The following WNT2B variants were observed in gnomAD, a reference collection of about 807,000 sequenced individuals.
WNT2B encodes Wnt family member 2B.
WNT2B carries 19 observed loss-of-function variants against 40.5 expected under a neutral mutation model. The ratio of observed to expected loss-of-function variants is 0.47; its 90% CI spans 0.33 to 0.69. The LOEUF (loss-of-function observed/expected upper bound fraction) is 0.69. Ranked by LOEUF, WNT2B falls within the 30% of genes least tolerant of loss-of-function variation. The pLI is 0.02. For missense variants in WNT2B, 467 were observed against 556.4 expected (o/e 0.84, Z 1.62); for synonymous variants, 220 against 211.9 (o/e 1.04, Z -0.33).
chr1:112,501,194 C>T (rs923777033), intron 1 of WNT2B, among the ~76,000 whole-genome samples: 20 of 152,028 alleles, frequency 1.3e-4, no homozygotes, highest in Non-Finnish European at 2.1e-4. Flanking sequence ...TTGATTAGAC[C>T]GGGGTAATGG....
In WNT2B at chr1:112,509,148, C is replaced by G; in HGVS notation, c.-115C>G. 1 of 1,376,328 alleles carries G rather than the reference C, an allele frequency of 7.3e-7. No individual in the cohort carries two copies. Among genetic ancestry groups the G allele is most frequent in the East Asian group, 3.1e-5 (1 of 32,626 alleles). 85.3% of individuals were successfully genotyped at this position (1,376,328 alleles called of 1,614,324 possible). On this transcript the variant is annotated 5_prime_UTR_variant, in exon 1 of 5. Coordinates refer to ENST00000369684, the MANE Select transcript of WNT2B (RefSeq NM_024494.3). This position sits in a 1 kb window ranked among gnomAD's most constrained non-coding sequence, Gnocchi z 4.2. ...ACCCCAGGTGATCCTAGGTCCCCAG[C>G]CGCCGGCGAACACCATGGCCCCCCA...
At chr1:112,496,647 C>A (rs570086859) in intron 1 of WNT2B, among the ~76,000 whole-genome samples, 3 of 151,100 alleles carry the variant, frequency 2.0e-5, no homozygotes, top group African/African-American at 4.9e-5. Context: ...GTTGCCCAGG[C>A]TGGAGCGCAA....
upstream of WNT2B, among the ~76,000 whole-genome samples, chr1:112,504,329 T>C (rs2101076663): frequency 6.6e-6 from 1 of 152,096 alleles, no homozygotes; most frequent in South Asian, 2.1e-4. Flanking sequence ...CTTCCTTTCT[T>C]CCTAGTCCTC....
chr1:112,500,339 C>A (rs527333079), intron 1 of WNT2B, among the ~76,000 whole-genome samples: 2 of 152,208 alleles, frequency 1.3e-5, no homozygotes, highest in African/African-American at 4.8e-5. Context: ...CCACTCTTTT[C>A]ATGCTTTTTG....
chr1:112,499,843 G>A (rs1651891967), intron 1 of WNT2B, among the ~76,000 whole-genome samples: 1 of 152,192 alleles, frequency 6.6e-6, no homozygotes, highest in African/African-American at 2.4e-5. Flanking sequence ...TATTCTAGGA[G>A]TTGTAACACT....
intron 1 of WNT2B, among the ~76,000 whole-genome samples, chr1:112,498,153 T>G (rs1016548112): frequency 1.3e-5 from 2 of 149,840 alleles, no homozygotes; most frequent in Non-Finnish European, 3.0e-5. Context: ...AGTGAGAACA[T>G]GCAGTGTTTG....
intron 1 of WNT2B, among the ~76,000 whole-genome samples, chr1:112,495,084 G>T (rs1651719126): frequency 6.6e-6 from 1 of 151,170 alleles, no homozygotes; most frequent in Non-Finnish European, 1.5e-5. Flanking sequence ...AGTGGATTTG[G>T]GTTAGTTATA....
chr1:112,500,815 T>C (rs1033279484), intron 1 of WNT2B, among the ~76,000 whole-genome samples: 1 of 152,080 alleles, frequency 6.6e-6, no homozygotes, highest in Non-Finnish European at 1.5e-5. Flanking sequence ...GTTTTTAGAT[T>C]TACAGAAAAA....
At chr1:112,489,602 C>G (rs978733308) in intron 1 of WNT2B, among the ~76,000 whole-genome samples, 2 of 152,032 alleles carry the variant, frequency 1.3e-5, no homozygotes, top group African/African-American at 4.8e-5. Context: ...GGTCTAAAGT[C>G]CATTGCATTA....
chr1:112,492,574 G>A (rs1046726216), intron 1 of WNT2B, among the ~76,000 whole-genome samples: 5 of 152,158 alleles, frequency 3.3e-5, no homozygotes, highest in Non-Finnish European at 7.3e-5. Flanking sequence ...CTTCTGGCTG[G>A]GGGAAGGAAA....
intron 4 of WNT2B, among the ~76,000 whole-genome samples, 164 bp downstream of exon 4, chr1:112,517,549 C>G (rs1652619788): frequency 6.6e-6 from 1 of 152,202 alleles, no homozygotes; most frequent in Admixed American, 6.5e-5. Flanking sequence ...TTGCAGTCCA[C>G]CAGGCCCAGT....
chr1:112,479,872 G>A (rs1042715384), intron 1 of WNT2B, among the ~76,000 whole-genome samples: 5 of 151,608 alleles, frequency 3.3e-5, no homozygotes, highest in South Asian at 2.1e-4. Context: ...TACCATGCCC[G>A]ACTAATTTTC....
Position 112,524,124 on chromosome 1 carries a change from G to C in WNT2B, c.*3615G>C, listed in dbSNP as rs1230767382. ...CTTCATTTCTATTCCTCCTGTTGCA[G>C]GGAGTAATTTCTTCTCCTTTGTCTC... On this transcript the variant is annotated 3_prime_UTR_variant, in exon 5 of 5. Coordinates refer to ENST00000369684, the MANE Select transcript of WNT2B (RefSeq NM_024494.3). 2 of 152,536 alleles carry C rather than the reference G, an allele frequency of 1.3e-5. No individual in the cohort carries two copies. The highest frequency in any genetic ancestry group is 2.9e-5 in the Non-Finnish European group (2 of 68,036). The allele number at this position is 152,536 out of a possible 1,614,324, so 9.4% of individuals were successfully genotyped here.
chr1:112,468,401 A>C (rs945078309), intron 1 of WNT2B, among the ~76,000 whole-genome samples: 1 of 152,066 alleles, frequency 6.6e-6, no homozygotes, highest in African/African-American at 2.4e-5. Context: ...GGTTGTACTA[A>C]TTTACATTCC....
intron 1 of WNT2B, among the ~76,000 whole-genome samples, chr1:112,490,697 G>A (rs1294370745): frequency 6.6e-6 from 1 of 152,068 alleles, no homozygotes; most frequent in Non-Finnish European, 1.5e-5. Flanking sequence ...CACCGTGTTA[G>A]CCAGGATGGT....
Position 112,515,177 on chromosome 1 carries a change from C to T in WNT2B, c.403+83C>T, listed in dbSNP as rs188921770. The T allele has an allele frequency of 1.1e-5, 16 of 1,435,530 alleles. No individual in the cohort carries two copies. In the Middle Eastern group the frequency reaches 7.0e-4, roughly 63 times the overall value. 88.9% of individuals were successfully genotyped at this position (1,435,530 alleles called of 1,614,324 possible). A position where few individuals can be genotyped will look rare whatever the true frequency, so the allele number is the denominator to read the frequency against. Reference sequence around the variant, plus strand: ...GTGGGAAGAGTAGGCAAGATCTCCCCTCTCCTCTCCCACACACTGTTTCAT... The same window carrying T: ...GTGGGAAGAGTAGGCAAGATCTCCCTTCTCCTCTCCCACACACTGTTTCAT... On this transcript the variant is annotated intron_variant, in intron 2 of 4. Transcript: ENST00000369684. This position sits in a 1 kb window ranked among gnomAD's most constrained non-coding sequence, Gnocchi z 4.4.
In WNT2B at chr1:112,523,460, T is replaced by C. The variant is rs989185685; in HGVS notation, c.*2951T>C. On this transcript the variant is annotated 3_prime_UTR_variant, in exon 5 of 5. Transcript: ENST00000369684. ...TCCTAGTTCTTAGCTTGCTTCTGCA[T>C]TGATTGGCTTTACACAACTGGCATT... 1.3e-5 allele frequency: 2 copies of C among 152,250 alleles called. No homozygotes were observed. Among genetic ancestry groups the C allele is most frequent in the Admixed American group, 1.3e-4 (2 of 15,288 alleles). The allele number at this position is 152,250 out of a possible 1,614,324, so 9.4% of individuals were successfully genotyped here.
At chr1:112,476,081 C>A (rs1048527097) in intron 1 of WNT2B, among the ~76,000 whole-genome samples, 5 of 152,066 alleles carry the variant, frequency 3.3e-5, no homozygotes, top group Non-Finnish European at 7.4e-5. Flanking sequence ...TTTAAAAGAT[C>A]TAAATCATGC....
chr1:112,509,231 C>G lies in WNT2B; in HGVS notation c.-32C>G, dbSNP rs1652246807. 9.4e-6 allele frequency: 14 copies of G among 1,492,086 alleles called. No individual in the cohort carries two copies. The highest frequency in any genetic ancestry group is 1.2e-5 in the Non-Finnish European group (13 of 1,128,994). 92.4% of individuals were successfully genotyped at this position (1,492,086 alleles called of 1,614,324 possible). A position where few individuals can be genotyped will look rare whatever the true frequency, so the allele number is the denominator to read the frequency against. ...CAGAAGGTGCCCCGTCCACGCCCCT[C>G]CGGGCTGCGCGGCGGGAGTCTTCGG... is the stretch of plus-strand genomic sequence containing the variant. On this transcript the variant is annotated 5_prime_UTR_variant, in exon 1 of 5. Coordinates refer to ENST00000369684, the MANE Select transcript of WNT2B (RefSeq NM_024494.3). The surrounding 1 kb of genome is among the most constrained non-coding windows in gnomAD (Gnocchi z 4.2).
Sources: allele counts gnomAD v4.1 joint callset (sites outside exome capture counted in the v4.1 genomes callset), GRCh38; gene constraint gnomAD v4.1.1; non-coding constraint Gnocchi (gnomAD v3.1); transcripts MANE v1.5; gene names NCBI Gene and HGNC (gene_info 2026-07-23, HGNC 2026-07-21).